MCTP2: variants seen among roughly 807,000 people sequenced by gnomAD.
The protein encoded by MCTP2 is multiple C2 and transmembrane domain-containing protein 2.
MCTP2 carries 132 observed loss-of-function variants against 111.6 expected under a neutral mutation model. The ratio of observed to expected loss-of-function variants is 1.18; its 90% CI spans 1.03 to 1.37. The LOEUF is 1.37. Among genes scored for constraint, MCTP2 ranks in the 40% most tolerant of loss-of-function variants. The pLI, the probability that MCTP2 is intolerant of heterozygous loss-of-function variation, is 0.00. For missense variants in MCTP2, 1,183 were observed against 1,067.9 expected, an observed-to-expected ratio of 1.11 and a Z score of -1.50; for synonymous variants, 395 against 387.7, an observed-to-expected ratio of 1.02 and a Z score of -0.22.
intron 19 of MCTP2, among the ~76,000 whole-genome samples, chr15:94,443,388 A>G (rs1403144073): frequency 6.6e-6 from 1 of 152,130 alleles, no homozygotes; most frequent in Admixed American, 6.6e-5. Context: ...TTTCAGCTAT[A>G]TGTCTGTGTA....
intron 8 of MCTP2, among the ~76,000 whole-genome samples, chr15:94,348,340 C>G (rs534038134): frequency 6.8e-6 from 1 of 146,676 alleles, no homozygotes; most frequent in African/African-American, 2.5e-5. Flanking sequence ...CTTCCCCTCT[C>G]CCTCTCCTCT....
intron 12 of MCTP2, among the ~76,000 whole-genome samples, chr15:94,377,141 A>G (rs924661159): frequency 2.6e-5 from 4 of 152,242 alleles, no homozygotes; most frequent in Middle Eastern, 3.4e-3. Context: ...GAATAGTCTC[A>G]TGGTTATTGT....
chr15:94,369,926 G>A (rs1296583862), intron 11 of MCTP2, among the ~76,000 whole-genome samples, 161 bp from the exon 12 acceptor site: 2 of 151,320 alleles, frequency 1.3e-5, no homozygotes, highest in African/African-American at 4.9e-5. Context: ...TGCTATAAGT[G>A]CCTAACCGTC....
At chr15:94,352,525 G>A (rs17630600) in intron 8 of MCTP2, among the ~76,000 whole-genome samples, 21,832 of 152,080 alleles carry the variant, frequency 0.14, 1,825 homozygotes, top group Non-Finnish European at 0.15. Context: ...CTGATGTACT[G>A]TATTGTATCC....
At chr15:94,300,045 A>G (rs887888105) in intron 2 of MCTP2, among the ~76,000 whole-genome samples, 8 of 152,228 alleles carry the variant, frequency 5.3e-5, no homozygotes, top group Non-Finnish European at 7.3e-5. Context: ...AGATTATTAA[A>G]TCAGGTCAGT....
At chr15:94,298,778 C>G in intron 2 of MCTP2, 48 bp downstream of exon 2, 2 of 1,203,776 alleles carry the variant, frequency 1.7e-6, no homozygotes, top group South Asian at 1.5e-5. Flanking sequence ...CTCTCTCTCT[C>G]TCTTTCCCTC....
intron 21 of MCTP2, among the ~76,000 whole-genome samples, chr15:94,471,763 A>T (rs905214453): frequency 6.6e-6 from 1 of 151,834 alleles, no homozygotes; most frequent in African/African-American, 2.4e-5. Flanking sequence ...TATTTTGAAA[A>T]AAAAAAAAAA....
intron 14 of MCTP2, among the ~76,000 whole-genome samples, chr15:94,392,659 C>CA (rs893696059): frequency 1.9e-4 from 29 of 150,906 alleles, no homozygotes; most frequent in African/African-American, 6.3e-4. Context: ...ACTAAGAATG[C>CA]AAAAAAATTA....
chr15:94,279,474 C>A (rs1013294931), intron 1 of MCTP2, among the ~76,000 whole-genome samples: 3 of 151,782 alleles, frequency 2.0e-5, no homozygotes, highest in Admixed American at 6.6e-5. Flanking sequence ...ATTTTGTATC[C>A]TGAAAATTTA....
chr15:94,271,866 T>C, intron 1 of MCTP2, among the ~76,000 whole-genome samples: 1 of 152,228 alleles, frequency 6.6e-6, no homozygotes, highest in East Asian at 1.9e-4. Flanking sequence ...TTAGTGTTTC[T>C]TTTGGGCTAA....
At chr15:94,337,689 G>A (rs1014173648) in intron 4 of MCTP2, among the ~76,000 whole-genome samples, 18 of 152,174 alleles carry the variant, frequency 1.2e-4, no homozygotes, top group Non-Finnish European at 2.2e-4. Flanking sequence ...GTGTGTGCGC[G>A]CGCATGCACG....
chr15:94,277,337 G>A (rs1195393143), intron 1 of MCTP2, among the ~76,000 whole-genome samples: 1 of 152,066 alleles, frequency 6.6e-6, no homozygotes, highest in African/African-American at 2.4e-5. Context: ...TTACCCAAAT[G>A]AGTTGAAAAC....
intron 12 of MCTP2, 54 bp from the exon 13 acceptor site, chr15:94,383,968 T>C: frequency 1.6e-6 from 2 of 1,285,508 alleles, no homozygotes; most frequent in Admixed American, 1.7e-5. Context: ...CACATTGCCC[T>C]TGTCCCTTTC....
chr15:94,281,630 C>A (rs1290392083), intron 1 of MCTP2, among the ~76,000 whole-genome samples: 2 of 152,090 alleles, frequency 1.3e-5, no homozygotes, highest in Non-Finnish European at 2.9e-5. Context: ...ATAGTCTTGA[C>A]TGTGCAGTTG....
At chr15:94,358,347 AAAG>A (rs752831092) in intron 9 of MCTP2, 132 bp from the exon 10 acceptor site, 5 of 747,394 alleles carry the variant, frequency 6.7e-6, no homozygotes, top group Non-Finnish European at 1.0e-5. Flanking sequence ...CATTCTAAAA[AAAG>A]AAGTTTACCT....
At chr15:94,234,758 A>G (rs1264422284) in intron 1 of MCTP2, among the ~76,000 whole-genome samples, 1 of 152,180 alleles carries the variant, frequency 6.6e-6, no homozygotes, top group Non-Finnish European at 1.5e-5. Context: ...CTAATGTCCC[A>G]AGTCCTGAGT....
At chr15:94,377,311 G>C (rs539254493) in intron 12 of MCTP2, among the ~76,000 whole-genome samples, 17 of 152,178 alleles carry the variant, frequency 1.1e-4, no homozygotes, top group African/African-American at 3.6e-4. Flanking sequence ...GTGATTGAAC[G>C]TTTTTAATTT....
At chr15:94,338,538 G>A (rs1200496120) in intron 4 of MCTP2, among the ~76,000 whole-genome samples, 2 of 149,732 alleles carry the variant, frequency 1.3e-5, no homozygotes, top group Non-Finnish European at 2.9e-5. Context: ...ATGTGGAGGA[G>A]GGTCTGCCAT....
intron 17 of MCTP2, chr15:94,402,839 C>A: frequency 3.9e-6 from 5 of 1,296,834 alleles, no homozygotes; most frequent in Non-Finnish European, 4.9e-6. Flanking sequence ...AAAACTAATA[C>A]GAGGTATGAG....
Sources: allele counts gnomAD v4.1 joint callset (sites outside exome capture counted in the v4.1 genomes callset), GRCh38; gene constraint gnomAD v4.1.1; transcripts MANE v1.5; gene names NCBI Gene and HGNC (gene_info 2026-07-23, HGNC 2026-07-21).